The following WDR74 variants were observed in gnomAD, a reference collection of about 807,000 sequenced individuals.
WDR74 encodes the protein WD repeat-containing protein 74.
In WDR74, 31 loss-of-function variants were observed where a neutral mutation model predicts 45.6. The observed-to-expected ratio is 0.68, with a 90% confidence interval of 0.51 to 0.92. The LOEUF (loss-of-function observed/expected upper bound fraction) is 0.92. WDR74 is among the 40% of genes least tolerant of loss of function. The pLI is 0.00. For synonymous variants in WDR74, 191 were observed against 192.4 expected, an observed-to-expected ratio of 0.99 and a Z score of 0.06; for missense variants, 455 against 497.2, an observed-to-expected ratio of 0.92 and a Z score of 0.81.
At chr11:62,841,640 A>T (rs77529190), upstream of WDR74, 10 of 152,360 alleles carry the variant, frequency 6.6e-5, no homozygotes, top group Non-Finnish European at 7.3e-5. Context: ...CGTTCCTGGA[A>T]GTACTGCAAT....
At chr11:62,841,610 T>TC (rs1408139485), upstream of WDR74, 1 of 152,170 alleles carries the variant, frequency 6.6e-6, no homozygotes, top group Admixed American at 6.5e-5. Flanking sequence ...GGTTGTTCTC[T>TC]CCCCGAAGGG....
At chr11:62,841,591 TTAA>T (rs2085057691), upstream of WDR74, 2 of 152,262 alleles carry the variant, frequency 1.3e-5, no homozygotes, top group African/African-American at 2.4e-5. Flanking sequence ...AAATCTTCCA[TTAA>T]ACAACGGTTG....
At position 62,833,043 on chromosome 11, in the gene WDR74, G is replaced by T. The variant is rs1468682359; in HGVS notation, c.1067C>A (p.Ala356Asp). 1.2e-6 allele frequency: 2 copies of T among 1,610,926 alleles called. No individual in the cohort carries two copies. Among genetic ancestry groups the T allele is most frequent in the Non-Finnish European group, 1.7e-6 (2 of 1,178,672 alleles). ...DELWASLEAA[A>D]KRKLSGLEQP... Reference sequence around the variant, plus strand: ...CTCCAAACCCGAGAGCTTCCGCTTGGCAGCTGCCTCCAAGGATGCCCAAAG... The same window carrying T: ...CTCCAAACCCGAGAGCTTCCGCTTGTCAGCTGCCTCCAAGGATGCCCAAAG... Residue 356 changes from alanine (A) to aspartate (D), a missense_variant, in exon 11 of 11, where the codon GCC becomes GAC. Physicochemically the swap from Ala to Asp is moderately radical, Grantham distance 126. Coordinates refer to ENST00000278856, the MANE Select transcript of WDR74 (RefSeq NM_001369450.1).
Position 62,839,188 on chromosome 11 carries a change from CT to C in WDR74, c.218del (p.Glu73GlyfsTer55). ...GTCTCTGACCCTGGAATATGCCATC[CT>C]CGGTGCTGAAGTGCTTCACCGTCCT... is the stretch of plus-strand genomic sequence containing the variant. ...ADRTVKHFST[E>X]DGIFQGQRHC... On this transcript the variant is annotated frameshift_variant, in exon 3 of 11. Transcript: ENST00000278856. LOFTEE classifies it high-confidence loss of function. 6.2e-7 allele frequency: 1 copy of C among 1,613,792 alleles called. No homozygotes were observed. Among genetic ancestry groups the C allele is most frequent in the Non-Finnish European group, 8.5e-7 (1 of 1,179,902 alleles).
At chr11:62,836,337 A>G (rs2084959666) in intron 3 of WDR74, 1 of 356,776 alleles carries the variant, frequency 2.8e-6, no homozygotes, top group African/African-American at 2.1e-5. Context: ...CTGAGAAACT[A>G]ATTTGCCACT....
In WDR74 at chr11:62,835,801, C is replaced by T. The variant is rs778759384; in HGVS notation, c.410G>A (p.Arg137His). ...LRVGPGVCRM[R>H]QDPAHPHVVA... ...CACATGGGGGTGTGCTGGGTCTTGGCGCATCCTACACACCCCAGGGCCCAC... is the reference window on the plus strand; with the variant it reads ...CACATGGGGGTGTGCTGGGTCTTGGTGCATCCTACACACCCCAGGGCCCAC... The change falls in exon 5 of 11, where the codon CGC (arginine) becomes CAC (histidine). Residue 137 changes from arginine to histidine, a missense_variant. Coordinates refer to ENST00000278856, the MANE Select transcript of WDR74 (RefSeq NM_001369450.1). 3.7e-6 allele frequency: 6 copies of T among 1,613,044 alleles called. No homozygotes were observed. The highest frequency in any genetic ancestry group is 4.5e-5 in the East Asian group (2 of 44,856).
chr11:62,832,976 C>A lies in WDR74; in HGVS notation c.1134G>T (p.Lys378Asn). Reference sequence around the variant, plus strand: ...GTCAGGGGCTGGTGGACCCAGGCCGCTTCTTCTTTCTCCGTCTCGTTTGGA... The same window carrying A: ...GTCAGGGGCTGGTGGACCCAGGCCGATTCTTCTTTCTCCGTCTCGTTTGGA... ...GALQTRRRKK[K>N]RPGSTSP Residue 378 changes from lysine (K) to asparagine (N), a missense_variant, in exon 11 of 11, where the codon AAG (lysine) becomes AAT (asparagine). Transcript: ENST00000278856. 6.2e-7 allele frequency: 1 copy of A among 1,607,508 alleles called. No individual in the cohort carries two copies.
chr11:62,834,025 C>T (rs901961201), intron 8 of WDR74, 88 bp from the exon 9 acceptor site: 9 of 1,548,092 alleles, frequency 5.8e-6, no homozygotes, highest in Non-Finnish European at 7.0e-6. Flanking sequence ...TCCATTTCAA[C>T]ATTTAATCTG....
intron 3 of WDR74, chr11:62,836,587 A>G (rs1486444878): frequency 1.3e-5 from 2 of 159,676 alleles, no homozygotes; most frequent in Non-Finnish European, 2.8e-5. Flanking sequence ...GAGAAGTCCA[A>G]GCAAGTCTCT....
chr11:62,834,186 G>C, intron 8 of WDR74, 90 bp downstream of exon 8: 1 of 1,573,494 alleles, frequency 6.4e-7, no homozygotes, highest in Non-Finnish European at 8.7e-7. Flanking sequence ...CCTGAATGAG[G>C]CCTCACTGGC....
upstream of WDR74, chr11:62,841,590 A>C (rs148603956): frequency 5.3e-5 from 8 of 152,228 alleles, no homozygotes; most frequent in East Asian, 5.8e-4. Flanking sequence ...GAAATCTTCC[A>C]TTAAACAACG....
In WDR74 at chr11:62,833,963, A is replaced by T. The variant is rs375572703; in HGVS notation, c.776-26T>A. 7 of 1,608,762 alleles carry T rather than the reference A, an allele frequency of 4.4e-6. No individual in the cohort carries two copies. In the African/African-American group the frequency reaches 9.4e-5, roughly 22 times the overall value. On this transcript the variant is annotated intron_variant, in intron 8 of 10. Transcript: ENST00000278856. ...CTAGAGAAGGGGGGAAGCATCCGTG[A>T]TAACTGGCTGGCCAATAACCAACCA...
At chr11:62,833,459 T>G in intron 10 of WDR74, 159 bp downstream of exon 10, 1 of 912,764 alleles carries the variant, frequency 1.1e-6, no homozygotes, top group Non-Finnish European at 1.6e-6. Context: ...AATAACCCTC[T>G]CAGGATTTTA....
upstream of WDR74, chr11:62,841,765 G>C (rs927532862): frequency 2.0e-5 from 3 of 152,312 alleles, no homozygotes; most frequent in East Asian, 1.9e-4. Flanking sequence ...AAACTGATAA[G>C]AACAGATACT....
At chr11:62,835,571 G>A in intron 5 of WDR74, 39 bp from the exon 6 acceptor site, 1 of 1,612,954 alleles carries the variant, frequency 6.2e-7, no homozygotes, top group Non-Finnish European at 8.5e-7. Flanking sequence ...GCTATGGGGG[G>A]CTCGATGTGC....
In WDR74 at chr11:62,834,456, T is replaced by G; in HGVS notation, c.690A>C (p.Leu230=). The G allele has an allele frequency of 6.4e-7, 1 of 1,564,168 alleles. No individual in the cohort carries two copies. The highest frequency in any genetic ancestry group is 8.7e-7 in the Non-Finnish European group (1 of 1,150,638). The change falls in exon 7 of 11, where the codon CTA becomes CTC. Residue 230 remains leucine (L), a synonymous_variant. Transcript: ENST00000278856. ...VLETTYGEYP[L]TAMTLTPGGN... Reference sequence around the variant, plus strand: ...CTCCCGGAGTGAGGGTCATGGCTGTTAGTGGGTACTCTCCATAGGTGGTCT... The same window carrying G: ...CTCCCGGAGTGAGGGTCATGGCTGTGAGTGGGTACTCTCCATAGGTGGTCT...
At chr11:62,841,535 T>C (rs367597274), upstream of WDR74, 26 of 151,600 alleles carry the variant, frequency 1.7e-4, 1 homozygote, top group East Asian at 2.9e-3. Flanking sequence ...CTAATCCAAC[T>C]CAAACAACAA....
At position 62,832,981 on chromosome 11, in the gene WDR74, T is replaced by C; in HGVS notation, c.1129A>G (p.Lys377Glu). The part of the protein sequence containing the change: ...QGALQTRRRK[K>E]KRPGSTSP ...GGGCTGGTGGACCCAGGCCGCTTCT[T>C]CTTTCTCCGTCTCGTTTGGAGAGCT... Residue 377 changes from lysine (K) to glutamate (E), a missense_variant, in exon 11 of 11, where the codon AAG becomes GAG. Lys to Glu is a moderately conservative substitution (Grantham distance 56). Coordinates refer to ENST00000278856, the MANE Select transcript of WDR74 (RefSeq NM_001369450.1). 6.2e-7 allele frequency: 1 copy of C among 1,607,250 alleles called. No individual in the cohort carries two copies. The highest frequency in any genetic ancestry group is 8.5e-7 in the Non-Finnish European group (1 of 1,177,332).
intron 9 of WDR74, 55 bp from the exon 10 acceptor site, chr11:62,833,729 CG>C: frequency 6.3e-7 from 1 of 1,593,030 alleles, no homozygotes; most frequent in Non-Finnish European, 8.6e-7. Flanking sequence ...GAAACATGAA[CG>C]GAGGGCACAG....
Sources: gnomAD v4.1 joint callset for allele counts on GRCh38, gnomAD v4.1.1 for gene constraint, MANE v1.5 for transcripts, NCBI Gene and HGNC (gene_info 2026-07-23, HGNC 2026-07-21) for gene names.